PTGR1: variants seen among roughly 807,000 people sequenced by gnomAD.
PTGR1 encodes prostaglandin reductase 1.
Under a neutral mutation model 37.7 loss-of-function variants are expected in PTGR1, and 23 were observed. That is an observed-to-expected ratio of 0.61 (90% CI 0.44 to 0.86). The LOEUF (loss-of-function observed/expected upper bound fraction) is 0.86. Among genes scored for constraint, PTGR1 ranks in the 40% least tolerant of loss-of-function variants. PTGR1 has a pLI of 0.00. For synonymous variants in PTGR1, 134 were observed against 140.0 expected (o/e 0.96, Z 0.30); for missense variants, 351 against 394.3 (o/e 0.89, Z 0.93).
chr9:111,589,889 C>G (rs889862145), intron 4 of PTGR1, among the ~76,000 whole-genome samples: 2 of 152,186 alleles, frequency 1.3e-5, no homozygotes, highest in Non-Finnish European at 2.9e-5. Flanking sequence ...CCCACCTTGG[C>G]CTCCCAAAGT....
intron 1 of PTGR1, 146 bp from the exon 2 acceptor site, chr9:111,597,578 A>G (rs150724334): frequency 1.7e-6 from 1 of 599,298 alleles, no homozygotes; most frequent in Non-Finnish European, 3.0e-6. Flanking sequence ...TTCATTTAAC[A>G]TTTACTATGT....
chr9:111,573,614 C>G (rs1828929321), intron 8 of PTGR1, among the ~76,000 whole-genome samples: 1 of 152,072 alleles, frequency 6.6e-6, no homozygotes, highest in African/African-American at 2.4e-5. Flanking sequence ...TGTGATCTCT[C>G]TTAATAGCAC....
chr9:111,585,933 C>A, intron 5 of PTGR1, 65 bp downstream of exon 5: 2 of 1,583,836 alleles, frequency 1.3e-6, no homozygotes, highest in Non-Finnish European at 1.7e-6. Flanking sequence ...AAGTTCTGAA[C>A]AAACCATTTT....
chr9:111,554,438 T>G (rs904410245), intron 9 of PTGR1, among the ~76,000 whole-genome samples: 1 of 152,202 alleles, frequency 6.6e-6, no homozygotes, highest in African/African-American at 2.4e-5. Context: ...GTCTGTTCTT[T>G]CGGTCACCAA....
chr9:111,554,758 G>C (rs916891078), intron 9 of PTGR1, among the ~76,000 whole-genome samples: 20 of 152,064 alleles, frequency 1.3e-4, no homozygotes, highest in African/African-American at 4.8e-4. Flanking sequence ...AAAATTTTGG[G>C]GCCAAGATTG....
At chr9:111,583,005 C>T (rs1184726117) in intron 6 of PTGR1, among the ~76,000 whole-genome samples, 1 of 152,256 alleles carries the variant, frequency 6.6e-6, no homozygotes, top group Non-Finnish European at 1.5e-5. Flanking sequence ...GTTTCCTTGT[C>T]TTAGGTACCT....
In PTGR1 at chr9:111,574,764, T is replaced by C. The variant is rs756333835; in HGVS notation, c.730A>G (p.Thr244Ala). 8.1e-6 allele frequency: 13 copies of C among 1,613,894 alleles called. No homozygotes were observed. The East Asian group carries it at 2.5e-4, about 30-fold the overall frequency. The change falls in exon 8 of 10, where the codon ACA becomes GCA. Residue 244 changes from threonine to alanine, a missense_variant. Coordinates refer to ENST00000407693, the MANE Select transcript of PTGR1 (RefSeq NM_001146108.2). The part of the protein sequence containing the change: ...GRIAICGAIS[T>A]YNRTGPLPPG... ...GGAAGTGGGCCGGTTCTGTTATATG[T>C]AGAGATGGCTCCACATATGGCAATC... is the stretch of plus-strand genomic sequence containing the variant.
chr9:111,551,401 T>G (rs13297828), intron 9 of PTGR1, among the ~76,000 whole-genome samples: 1 of 20,708 alleles, frequency 4.8e-5, no homozygotes, highest in Admixed American at 4.0e-4. Flanking sequence ...CCAGTTTTTG[T>G]TTTTTTTTTT....
At position 111,550,916 on chromosome 9, in the gene PTGR1, C is replaced by A. The variant is rs571095439; in HGVS notation, c.880-1117G>T. On this transcript the variant is annotated intron_variant, in intron 9 of 9. Coordinates refer to the PTGR1 transcript ENST00000538962. The stretch of plus-strand genomic sequence containing the variant: ...ATCCCTGTTTCCTTTGAGTTGTTTT[C>A]ACCTGTTTTCTGTCTCTCACACTGG... Among the ~76,000 whole-genome samples, 17 of 152,242 alleles carry A rather than the reference C, an allele frequency of 1.1e-4. No individual in the cohort carries two copies. The South Asian group carries it at 3.1e-3, about 28-fold the overall frequency.
chr9:111,561,163 GA>G (rs2132309827), downstream of PTGR1, among the ~76,000 whole-genome samples: 1 of 141,816 alleles, frequency 7.1e-6, no homozygotes, highest in African/African-American at 2.6e-5. Context: ...GAGAGAGAGA[GA>G]GAGAGAGAGA....
intron 6 of PTGR1, among the ~76,000 whole-genome samples, chr9:111,580,741 G>A (rs1412027763): frequency 2.1e-5 from 3 of 141,424 alleles, no homozygotes; most frequent in East Asian, 4.0e-4. Flanking sequence ...GACAACAAGA[G>A]CGAAACTCCA....
At chr9:111,568,618 C>T (rs1424415256) in intron 9 of PTGR1, among the ~76,000 whole-genome samples, 1 of 152,172 alleles carries the variant, frequency 6.6e-6, no homozygotes, top group African/African-American at 2.4e-5. Flanking sequence ...CCTGTTCGTA[C>T]ACCCCCTCCC....
chr9:111,551,551 G>T (rs1025713575), intron 9 of PTGR1, among the ~76,000 whole-genome samples: 8 of 151,866 alleles, frequency 5.3e-5, no homozygotes, highest in African/African-American at 1.9e-4. Context: ...GAGATTACTG[G>T]TGCACACTGC....
Position 111,570,999 on chromosome 9 carries a change from C to T in PTGR1, c.761-790G>A, listed in dbSNP as rs142216758. 9.4e-4 allele frequency among the ~76,000 whole-genome samples: 142 copies of T among 151,478 alleles called. 6 individuals carry two copies. The highest frequency in any genetic ancestry group is 3.4e-3 in the Middle Eastern group (1 of 294). On this transcript the variant is annotated intron_variant, in intron 8 of 9. Transcript: ENST00000407693. ...GAGGACAGAGGAAGGGGCCACATGC[C>T]AAGAAATACAGGCAGCTGCTAGAAG...
At chr9:111,589,764 A>AG (rs142169278) in intron 4 of PTGR1, among the ~76,000 whole-genome samples, 4,112 of 151,974 alleles carry the variant, frequency 0.027, 76 homozygotes, top group East Asian at 0.05. Flanking sequence ...CTTCCCAAGT[A>AG]GCTGGGATTA....
intron 4 of PTGR1, among the ~76,000 whole-genome samples, chr9:111,590,202 G>C (rs1829568855): frequency 6.6e-6 from 1 of 152,080 alleles, no homozygotes; most frequent in Non-Finnish European, 1.5e-5. Flanking sequence ...GAAGAAAATT[G>C]AGAATTAACT....
chr9:111,559,458 G>A (rs1276401024), downstream of PTGR1, among the ~76,000 whole-genome samples: 1 of 151,860 alleles, frequency 6.6e-6, no homozygotes, highest in Non-Finnish European at 1.5e-5. Context: ...ACTGTTGTTG[G>A]GCTCTGATAC....
intron 6 of PTGR1, among the ~76,000 whole-genome samples, chr9:111,580,181 C>A (rs1292368399): frequency 6.6e-6 from 1 of 152,120 alleles, no homozygotes; most frequent in East Asian, 1.9e-4. Flanking sequence ...TTAATGTTAG[C>A]CCATTTTTTT....
In PTGR1 at chr9:111,592,989, A is replaced by C. The variant is rs1264847942; in HGVS notation, c.153-7T>G. The C allele has an allele frequency of 9.4e-6, 3 of 318,796 alleles. No homozygotes were observed. Among genetic ancestry groups the C allele is most frequent in the Non-Finnish European group, 1.4e-5 (3 of 221,938 alleles). 19.7% of individuals were successfully genotyped at this position (318,796 alleles called of 1,614,324 possible). A position where few individuals can be genotyped will look rare whatever the true frequency, so the allele number is the denominator to read the frequency against. On this transcript the variant is annotated splice_polypyrimidine_tract_variant and splice_region_variant and intron_variant, in intron 3 of 9. Coordinates refer to ENST00000407693, the MANE Select transcript of PTGR1 (RefSeq NM_001146108.2). Reference sequence around the variant, plus strand: ...CAATCTTTTGGCTGCCACTCTGCAAAAAAAAAAAAAAAAAAAAAAAAAAAA... The same window carrying C: ...CAATCTTTTGGCTGCCACTCTGCAACAAAAAAAAAAAAAAAAAAAAAAAAA...
Sources: allele counts gnomAD v4.1 joint callset (sites outside exome capture counted in the v4.1 genomes callset), GRCh38; gene constraint gnomAD v4.1.1; transcripts MANE v1.5; gene names NCBI Gene and HGNC (gene_info 2026-07-23, HGNC 2026-07-21).